The following LRFN2 variants were observed in gnomAD, a reference collection of about 807,000 sequenced individuals.
LRFN2 encodes leucine rich repeat and fibronectin type III domain containing 2, also known as leucine-rich repeat and fibronectin type-III domain-containing protein 2.
In LRFN2, 18 loss-of-function variants were observed where a neutral mutation model predicts 37.3. The ratio of observed to expected loss-of-function variants is 0.48; its 90% CI spans 0.33 to 0.72. The LOEUF is 0.72. LRFN2 is among the 30% of genes least tolerant of loss of function. LRFN2 has a pLI of 0.02. For missense variants in LRFN2, 1,006 were observed against 1,060.7 expected, an observed-to-expected ratio of 0.95 and a Z score of 0.72; for synonymous variants, 556 against 466.6, an observed-to-expected ratio of 1.19 and a Z score of -2.47.
intron 1 of LRFN2, among the ~76,000 whole-genome samples, chr6:40,552,752 A>C (rs143385446): frequency 1.8e-4 from 27 of 152,322 alleles, no homozygotes; most frequent in African/African-American, 6.5e-4. Context: ...AAAAACACTC[A>C]TACTCTAATT....
In LRFN2 at chr6:40,392,208, G is replaced by A. The variant is rs761147999; in HGVS notation, c.2105C>T (p.Pro702Leu). The A allele has an allele frequency of 4.5e-6, 7 of 1,569,856 alleles. No individual in the cohort carries two copies. The Admixed American group carries it at 9.1e-5, about 20-fold the overall frequency. ...GAGCAGGCTCCTGGCCCGGGCCGCA[G>A]GGGGCCCCAGCAGTGGCTCTCGGTC... ...HSDREPLLGPPAARARSLLPL... is the reference protein window; with the variant it reads ...HSDREPLLGPLAARARSLLPL... The change falls in exon 3 of 3, where the codon CCT (proline) becomes CTT (leucine). Residue 702 changes from proline to leucine, a missense_variant. Pro to Leu is a moderately conservative substitution (Grantham distance 98). Coordinates refer to ENST00000338305, the MANE Select transcript of LRFN2 (RefSeq NM_020737.3). This position sits in a 1 kb window ranked among gnomAD's most constrained non-coding sequence, Gnocchi z 4.7.
intron 2 of LRFN2, among the ~76,000 whole-genome samples, chr6:40,405,223 G>A (rs1371805389): frequency 6.6e-6 from 1 of 152,156 alleles, no homozygotes; most frequent in African/African-American, 2.4e-5. Flanking sequence ...AGATGTCATC[G>A]GAATACCTGC....
intron 1 of LRFN2, among the ~76,000 whole-genome samples, chr6:40,508,032 A>G (rs1448162992): frequency 6.6e-6 from 1 of 152,212 alleles, no homozygotes; most frequent in Non-Finnish European, 1.5e-5. Context: ...AGCACAGCAC[A>G]GAGTTAACAG....
chr6:40,508,865 A>G (rs1021318318), intron 1 of LRFN2, among the ~76,000 whole-genome samples: 8 of 152,204 alleles, frequency 5.3e-5, no homozygotes, highest in Non-Finnish European at 8.8e-5. Context: ...TAACGACCAC[A>G]TCATGATCTT....
At chr6:40,460,923 C>T (rs1410775439) in intron 1 of LRFN2, among the ~76,000 whole-genome samples, 14 of 152,162 alleles carry the variant, frequency 9.2e-5, no homozygotes, top group Non-Finnish European at 1.5e-5. Flanking sequence ...TCCTTCTGGC[C>T]AGCTGAGTCT....
rs183310450 is a variant in LRFN2, at chr6:40,526,411, G to C, written c.-19+60530C>G. On this transcript the variant is annotated intron_variant, in intron 1 of 2. Coordinates refer to ENST00000338305, the MANE Select transcript of LRFN2 (RefSeq NM_020737.3). ...AAATGACAACTTTTGCCTCCTCCCA[G>C]TTCTGATCTGCCCTGTACTGGTTTC... Among the ~76,000 whole-genome samples, 3 of 152,332 alleles carry C rather than the reference G, an allele frequency of 2.0e-5. No homozygotes were observed. In the East Asian group the frequency reaches 5.8e-4, roughly 29 times the overall value.
intron 2 of LRFN2, among the ~76,000 whole-genome samples, chr6:40,395,032 C>T (rs913868384): frequency 6.6e-6 from 1 of 151,246 alleles, no homozygotes; most frequent in Non-Finnish European, 1.5e-5. Context: ...TAATACACAG[C>T]CCCACCCTTA....
At chr6:40,418,831 G>A (rs554031275) in intron 2 of LRFN2, among the ~76,000 whole-genome samples, 1 of 152,216 alleles carries the variant, frequency 6.6e-6, no homozygotes, top group Non-Finnish European at 1.5e-5. Flanking sequence ...AGTACCTGGA[G>A]TGCAGTAAGG....
chr6:40,437,208 C>T (rs1349842761), intron 1 of LRFN2, among the ~76,000 whole-genome samples: 1 of 152,176 alleles, frequency 6.6e-6, no homozygotes. Flanking sequence ...TGGATATCTT[C>T]CACTGTCCCT....
At chr6:40,555,836 C>T (rs894376654) in intron 1 of LRFN2, among the ~76,000 whole-genome samples, 10 of 152,096 alleles carry the variant, frequency 6.6e-5, no homozygotes, top group African/African-American at 2.2e-4. Context: ...CCAATGGCCA[C>T]CCATCCCTCC....
At chr6:40,421,423 C>T (rs147095705) in intron 2 of LRFN2, among the ~76,000 whole-genome samples, 124 of 152,238 alleles carry the variant, frequency 8.1e-4, no homozygotes, top group African/African-American at 2.8e-3. Flanking sequence ...GTAAGATGTA[C>T]ATCAGTTCAA....
chr6:40,440,551 G>A (rs1489744724), intron 1 of LRFN2, among the ~76,000 whole-genome samples: 1 of 152,164 alleles, frequency 6.6e-6, no homozygotes, highest in African/African-American at 2.4e-5. Context: ...GTAGCCCTTG[G>A]CCCCTCTGAC....
intron 1 of LRFN2, among the ~76,000 whole-genome samples, chr6:40,480,176 A>G (rs1328090313): frequency 6.6e-6 from 1 of 152,180 alleles, no homozygotes; most frequent in Non-Finnish European, 1.5e-5. Context: ...CAGATGAGGA[A>G]ATGGAGGCCA....
At chr6:40,582,799 T>A (rs145243991) in intron 1 of LRFN2, among the ~76,000 whole-genome samples, 167 of 152,128 alleles carry the variant, frequency 1.1e-3, no homozygotes, top group African/African-American at 3.5e-3. Context: ...ACTCAATAGT[T>A]GAACAAGCTG....
chr6:40,472,983 G>A lies in LRFN2; in HGVS notation c.-18-39852C>T, dbSNP rs1032841772. 4.6e-5 allele frequency among the ~76,000 whole-genome samples: 7 copies of A among 152,070 alleles called. No individual in the cohort carries two copies. In the East Asian group the frequency reaches 5.8e-4, roughly 13 times the overall value. On this transcript the variant is annotated intron_variant, in intron 1 of 2. Coordinates refer to ENST00000338305, the MANE Select transcript of LRFN2 (RefSeq NM_020737.3). ...AACCACCTGTTTCTCTGGCTGTTTC[G>A]GAAATGGGTCTCATTGGGCGAGATG... is the stretch of plus-strand genomic sequence containing the variant.
intron 1 of LRFN2, among the ~76,000 whole-genome samples, chr6:40,527,873 C>T (rs1766281993): frequency 6.6e-6 from 1 of 152,200 alleles, no homozygotes; most frequent in African/African-American, 2.4e-5. Context: ...GACAGAGGAA[C>T]CTCCTGCTGC....
intron 1 of LRFN2, among the ~76,000 whole-genome samples, chr6:40,562,831 T>TG (rs1767023623): frequency 2.1e-5 from 3 of 144,048 alleles, no homozygotes; most frequent in African/African-American, 8.0e-5. Flanking sequence ...GTGCGTGCAC[T>TG]CACTCACACA....
At chr6:40,485,067 A>G (rs901142170) in intron 1 of LRFN2, among the ~76,000 whole-genome samples, 11 of 152,220 alleles carry the variant, frequency 7.2e-5, no homozygotes, top group South Asian at 2.1e-4. Flanking sequence ...CTTGTGTAGG[A>G]AAGAAAGATC....
chr6:40,467,369 T>C (rs933331035), intron 1 of LRFN2, among the ~76,000 whole-genome samples: 1 of 152,088 alleles, frequency 6.6e-6, no homozygotes, highest in African/African-American at 2.4e-5. Flanking sequence ...GAGGCTGGAC[T>C]CAGCCTGCAG....
Sources: allele counts gnomAD v4.1 joint callset (sites outside exome capture counted in the v4.1 genomes callset), GRCh38; gene constraint gnomAD v4.1.1; non-coding constraint Gnocchi (gnomAD v3.1); transcripts MANE v1.5; gene names NCBI Gene and HGNC (gene_info 2026-07-23, HGNC 2026-07-21).